The following FANCL variants were observed in gnomAD, a reference collection of about 807,000 sequenced individuals.
FANCL encodes the protein E3 ubiquitin-protein ligase FANCL.
A neutral mutation model predicts 59.4 loss-of-function variants in FANCL; 69 were observed. The ratio of observed to expected loss-of-function variants is 1.16; its 90% CI spans 0.96 to 1.42. The LOEUF (loss-of-function observed/expected upper bound fraction) is 1.42. Ranked by LOEUF, FANCL falls within the 40% of genes most tolerant of loss-of-function variation. The pLI, the probability that FANCL is intolerant of heterozygous loss-of-function variation, is 0.00. For missense variants in FANCL, 519 were observed against 447.2 expected (o/e 1.16, Z -1.45); for synonymous variants, 180 against 147.1 (o/e 1.22, Z -1.62).
intron 5 of FANCL, among the ~76,000 whole-genome samples, chr2:58,208,955 C>T (rs2105184799): frequency 6.6e-6 from 1 of 152,300 alleles, no homozygotes; most frequent in South Asian, 2.1e-4. Context: ...ATGTGAGCCA[C>T]TGATCTACTC....
At chr2:58,176,145 G>GT (rs1221566474) in intron 7 of FANCL, among the ~76,000 whole-genome samples, 1 of 151,936 alleles carries the variant, frequency 6.6e-6, no homozygotes, top group Admixed American at 6.6e-5. Context: ...CAAACAAATG[G>GT]AAGAACATTC....
chr2:58,241,168 C>T, intron 1 of FANCL, 50 bp downstream of exon 1: 1 of 1,597,310 alleles, frequency 6.3e-7, no homozygotes. Flanking sequence ...CTCCGCGCAG[C>T]TACGCTGCAA....
intron 1 of FANCL, among the ~76,000 whole-genome samples, chr2:58,235,597 A>T (rs577450954): frequency 6.6e-6 from 1 of 152,290 alleles, no homozygotes; most frequent in South Asian, 2.1e-4. Context: ...AACAGGTAGC[A>T]TTCATTATGT....
At chr2:58,174,623 G>A (rs1687078482) in intron 7 of FANCL, among the ~76,000 whole-genome samples, 1 of 151,820 alleles carries the variant, frequency 6.6e-6, no homozygotes, top group African/African-American at 2.4e-5. Context: ...AGAATCTCTG[G>A]GACACATTCA....
chr2:58,164,142 T>C (rs888321402), intron 8 of FANCL, among the ~76,000 whole-genome samples: 1 of 151,968 alleles, frequency 6.6e-6, no homozygotes, highest in African/African-American at 2.4e-5. Flanking sequence ...TGGCACTAGG[T>C]TCTTTTATAC....
chr2:58,198,674 G>C lies in FANCL; in HGVS notation c.472-12C>G, dbSNP rs773780339. The C allele has an allele frequency of 1.2e-6, 2 of 1,608,356 alleles. No individual in the cohort carries two copies. Among genetic ancestry groups the C allele is most frequent in the South Asian group, 2.2e-5 (2 of 90,888 alleles). ...GATTCTGCAGGATACTATTAAAAAA[G>C]CATAACATTAGACCATTTTTGCTTC... On this transcript the variant is annotated splice_polypyrimidine_tract_variant and intron_variant, in intron 6 of 13. Transcript: ENST00000233741.
At position 58,203,960 on chromosome 2, in the gene FANCL, C is replaced by T. The variant is rs564726028; in HGVS notation, c.471+170G>A. Among the ~76,000 whole-genome samples the T allele has an allele frequency of 1.5e-4, 23 of 152,136 alleles. No individual in the cohort carries two copies. The South Asian group carries it at 4.4e-3, about 29-fold the overall frequency. Reference sequence around the variant, plus strand: ...AAAATATGACATAAAACTGTCTAGGCTTTTGGAAACGTGGTGAATAAATTC... The same window carrying T: ...AAAATATGACATAAAACTGTCTAGGTTTTTGGAAACGTGGTGAATAAATTC... On this transcript the variant is annotated intron_variant, in intron 6 of 13. Coordinates refer to ENST00000233741, the MANE Select transcript of FANCL (RefSeq NM_018062.4).
intron 1 of FANCL, among the ~76,000 whole-genome samples, chr2:58,240,812 A>G (rs1376141532): frequency 4.6e-5 from 7 of 152,240 alleles, no homozygotes; most frequent in Non-Finnish European, 8.8e-5. Flanking sequence ...AAACACGAAA[A>G]TAATTAGCCC....
intron 7 of FANCL, among the ~76,000 whole-genome samples, chr2:58,183,036 T>G (rs1388224803): frequency 1.3e-5 from 2 of 151,780 alleles, no homozygotes; most frequent in East Asian, 3.9e-4. Context: ...AGAGAGTAAA[T>G]GTATAAAAAT....
chr2:58,167,976 T>C (rs2104834890), intron 7 of FANCL, among the ~76,000 whole-genome samples: 1 of 152,178 alleles, frequency 6.6e-6, no homozygotes, highest in African/African-American at 2.4e-5. Flanking sequence ...TTCCCCAAAT[T>C]GAAAAAAATA....
intron 6 of FANCL, among the ~76,000 whole-genome samples, chr2:58,200,486 TTG>T (rs1689887945): frequency 6.6e-6 from 1 of 152,106 alleles, no homozygotes; most frequent in South Asian, 2.1e-4. Context: ...TTAGTTCATT[TTG>T]AGTTGCTATT....
intron 5 of FANCL, among the ~76,000 whole-genome samples, chr2:58,212,784 T>G (rs1691311997): frequency 6.6e-6 from 1 of 152,172 alleles, no homozygotes; most frequent in Non-Finnish European, 1.5e-5. Flanking sequence ...CATACCATCT[T>G]CACGTTAACC....
chr2:58,165,657 TTAGA>T (rs1685849271), intron 8 of FANCL, 63 bp downstream of exon 8: 1 of 1,583,892 alleles, frequency 6.3e-7, no homozygotes. Flanking sequence ...ACTGTCATTG[TTAGA>T]TTTATTTTCA....
chr2:58,165,014 A>G (rs1232750217), intron 8 of FANCL, among the ~76,000 whole-genome samples: 1 of 152,116 alleles, frequency 6.6e-6, no homozygotes, highest in East Asian at 1.9e-4. Flanking sequence ...CAACATATCT[A>G]TTTAGAAAAA....
At chr2:58,215,159 C>A (rs554568131) in intron 5 of FANCL, among the ~76,000 whole-genome samples, 1 of 152,124 alleles carries the variant, frequency 6.6e-6, no homozygotes, top group Non-Finnish European at 1.5e-5. Context: ...CAATCTATAC[C>A]TAAAGAATGA....
At chr2:58,227,528 C>A (rs555523824) in intron 3 of FANCL, among the ~76,000 whole-genome samples, 1 of 152,294 alleles carries the variant, frequency 6.6e-6, no homozygotes, top group Admixed American at 6.5e-5. Context: ...TCGAACTCCA[C>A]GTCATTCTGC....
At chr2:58,213,224 C>A (rs1691355433) in intron 5 of FANCL, among the ~76,000 whole-genome samples, 1 of 152,166 alleles carries the variant, frequency 6.6e-6, no homozygotes, top group African/African-American at 2.4e-5. Context: ...TTGTGTGTGT[C>A]ATTTCAAAAG....
At chr2:58,174,774 G>C (rs1687102174) in intron 7 of FANCL, among the ~76,000 whole-genome samples, 1 of 152,102 alleles carries the variant, frequency 6.6e-6, no homozygotes, top group African/African-American at 2.4e-5. Flanking sequence ...CAGAAGGCAA[G>C]AAATAACTAA....
At position 58,174,489 on chromosome 2, in the gene FANCL, C is replaced by G. The variant is rs184505418; in HGVS notation, c.541-8615G>C. Among the ~76,000 whole-genome samples the G allele has an allele frequency of 9.5e-4, 144 of 152,298 alleles. 1 individual carries two copies. Among genetic ancestry groups the G allele is most frequent in the African/African-American group, 3.4e-3 (142 of 41,558 alleles). ...AGAACTCAGGATTAAGAAACTCACTCAAAACCGCTCATCTACATGGAAACT... is the reference window on the plus strand; with the variant it reads ...AGAACTCAGGATTAAGAAACTCACTGAAAACCGCTCATCTACATGGAAACT... On this transcript the variant is annotated intron_variant, in intron 7 of 13. Coordinates refer to ENST00000233741, the MANE Select transcript of FANCL (RefSeq NM_018062.4).
Sources: allele counts gnomAD v4.1 joint callset (sites outside exome capture counted in the v4.1 genomes callset), GRCh38; gene constraint gnomAD v4.1.1; transcripts MANE v1.5; gene names NCBI Gene and HGNC (gene_info 2026-07-23, HGNC 2026-07-21).